Variants in FRRS1 observed in about 807,000 individuals in gnomAD.
FRRS1 encodes ferric reductase 1.
In FRRS1, 51 loss-of-function variants were observed where a neutral mutation model predicts 70.7. That is an observed-to-expected ratio of 0.72 (90% CI 0.58 to 0.91). The LOEUF (loss-of-function observed/expected upper bound fraction) is 0.91. Among genes scored for constraint, FRRS1 ranks in the 40% least tolerant of loss-of-function variants. The pLI, the probability that FRRS1 is intolerant of heterozygous loss-of-function variation, is 0.00. For synonymous variants in FRRS1, 225 were observed against 238.7 expected (o/e 0.94, Z 0.53); for missense variants, 672 against 726.0 (o/e 0.93, Z 0.86).
At chr1:99,763,538 A>C (rs1657209144) in intron 1 of FRRS1, among the ~76,000 whole-genome samples, 2 of 152,228 alleles carry the variant, frequency 1.3e-5, no homozygotes, top group Admixed American at 6.5e-5. Context: ...TAAATTAAAA[A>C]TGTTTATCCT....
chr1:99,731,757 C>A (rs988670785), intron 7 of FRRS1, among the ~76,000 whole-genome samples: 2 of 152,158 alleles, frequency 1.3e-5, no homozygotes, highest in South Asian at 4.2e-4. Context: ...CAACAGAGAC[C>A]ATATTGCCCA....
At chr1:99,760,518 A>T (rs1657063634) in intron 1 of FRRS1, among the ~76,000 whole-genome samples, 1 of 152,264 alleles carries the variant, frequency 6.6e-6, no homozygotes, top group African/African-American at 2.4e-5. Flanking sequence ...AGTGAAGAAA[A>T]AAATGATTTT....
rs777806313 is a variant in FRRS1 at position 99,728,631 on chromosome 1, C to T, written c.868G>A (p.Glu290Lys). The change falls in exon 9 of 17, where the codon GAG (glutamate) becomes AAG (lysine). Residue 290 changes from glutamate (E) to lysine (K), a missense_variant. Coordinates refer to ENST00000646001, the MANE Select transcript of FRRS1 (RefSeq NM_001361041.2). ...HPVMDSRDTL[E>K]DMAWRLADGV... The stretch of plus-strand genomic sequence containing the variant: ...TCCGCCAACCTCCAAGCCATATCCT[C>T]AAGGGTATCCTACAAACACACACAA... The T allele has an allele frequency of 1.9e-6, 3 of 1,613,342 alleles. No individual in the cohort carries two copies. Among genetic ancestry groups the T allele is most frequent in the Non-Finnish European group, 1.7e-6 (2 of 1,179,566 alleles).
chr1:99,728,406 A>C, intron 9 of FRRS1, 87 bp downstream of exon 9: 1 of 1,127,762 alleles, frequency 8.9e-7, no homozygotes, highest in Non-Finnish European at 1.3e-6. Flanking sequence ...AAAACGGGCA[A>C]TTACAGTAGT....
intron 15 of FRRS1, 141 bp from the exon 16 acceptor site, chr1:99,709,400 T>G: frequency 1.6e-6 from 1 of 630,004 alleles, no homozygotes; most frequent in Non-Finnish European, 2.8e-6. Context: ...TATTGCAGAC[T>G]TCCTGAACAA....
At chr1:99,734,121 A>G (rs189445067) in intron 7 of FRRS1, among the ~76,000 whole-genome samples, 19 of 152,358 alleles carry the variant, frequency 1.2e-4, no homozygotes, top group Non-Finnish European at 2.2e-4. Context: ...GGATTAAGTA[A>G]CTGTTCTAAA....
intron 6 of FRRS1, 113 bp from the exon 7 acceptor site, chr1:99,738,381 AC>A: frequency 1.6e-6 from 1 of 641,888 alleles, no homozygotes; most frequent in South Asian, 2.4e-5. Flanking sequence ...TAATGAGAAT[AC>A]CTTTCCATAA....
Position 99,738,164 on chromosome 1 carries a change from A to G in FRRS1, c.681T>C (p.Asp227=), listed in dbSNP as rs764614622. ...TCATTTCAACCATCACCGATTGGTC[A>G]TCTCTTGTGAAGGACAAGAAGACAC... ...ASCVFLSFTR[D]DQSVMVEMSG... The change falls in exon 7 of 17, where the codon GAT becomes GAC. Residue 227 remains aspartate (D), a synonymous_variant. Transcript: ENST00000646001. 1 of 1,613,784 alleles carries G rather than the reference A, an allele frequency of 6.2e-7. No homozygotes were observed. Among genetic ancestry groups the G allele is most frequent in the South Asian group, 1.1e-5 (1 of 91,068 alleles).
rs887713029 is a variant in FRRS1, at chr1:99,705,867, A to G, written c.*3161T>C. Among the ~76,000 whole-genome samples, 10 of 152,252 alleles carry G rather than the reference A, an allele frequency of 6.6e-5. No homozygotes were observed. Among genetic ancestry groups the G allele is most frequent in the African/African-American group, 2.4e-4 (10 of 41,468 alleles). On this transcript the variant is annotated 3_prime_UTR_variant, in exon 17 of 17. Coordinates refer to ENST00000646001, the MANE Select transcript of FRRS1 (RefSeq NM_001361041.2). ...TCATATTGCATCACTTCTTTAGAAG[A>G]AAACATGATTTTGCTCATTGTTTTT...
chr1:99,739,222 A>G (rs994402997), intron 6 of FRRS1, among the ~76,000 whole-genome samples: 1 of 152,214 alleles, frequency 6.6e-6, no homozygotes, highest in African/African-American at 2.4e-5. Context: ...GGTATCTTCG[A>G]GCTCTAAAAA....
chr1:99,750,005 A>C (rs1372737376), intron 1 of FRRS1, among the ~76,000 whole-genome samples: 1 of 152,238 alleles, frequency 6.6e-6, no homozygotes, highest in East Asian at 1.9e-4. Context: ...TAGCAGCCTT[A>C]GAATCACTAG....
At chr1:99,763,620 G>A (rs1657212919) in intron 1 of FRRS1, among the ~76,000 whole-genome samples, 1 of 152,100 alleles carries the variant, frequency 6.6e-6, no homozygotes, top group African/African-American at 2.4e-5. Context: ...TGTAATCCCA[G>A]CACTTTGGGA....
chr1:99,726,359 A>AGT (rs1332786452), intron 9 of FRRS1, among the ~76,000 whole-genome samples: 2 of 152,216 alleles, frequency 1.3e-5, no homozygotes, highest in African/African-American at 2.4e-5. Flanking sequence ...TCTTTATAGC[A>AGT]GTGTGAGAAC....
At chr1:99,755,985 T>C (rs1656816378) in intron 1 of FRRS1, among the ~76,000 whole-genome samples, 1 of 152,238 alleles carries the variant, frequency 6.6e-6, no homozygotes. Context: ...CTAGTTAATG[T>C]TTTAAGGTAC....
chr1:99,713,368 C>G (rs1654366779), intron 12 of FRRS1, among the ~76,000 whole-genome samples: 2 of 152,186 alleles, frequency 1.3e-5, no homozygotes, highest in African/African-American at 4.8e-5. Context: ...TAGACAATTA[C>G]AAAATAAGTG....
chr1:99,746,519 C>T (rs983108974), intron 4 of FRRS1, among the ~76,000 whole-genome samples: 19 of 152,178 alleles, frequency 1.2e-4, no homozygotes, highest in East Asian at 5.8e-4. Context: ...AGGTGGGGGA[C>T]GAAGGGTTTC....
At chr1:99,730,589 C>T (rs996340242) in intron 7 of FRRS1, among the ~76,000 whole-genome samples, 6 of 152,036 alleles carry the variant, frequency 3.9e-5, no homozygotes, top group Non-Finnish European at 8.8e-5. Flanking sequence ...CCAAGCGGGC[C>T]GGGCGAGGTG....
chr1:99,719,229 T>G (rs1474991447), intron 10 of FRRS1, among the ~76,000 whole-genome samples: 1 of 151,830 alleles, frequency 6.6e-6, no homozygotes, highest in Non-Finnish European at 1.5e-5. Flanking sequence ...GCCAACATGG[T>G]GAAACCCTGT....
At chr1:99,766,054 G>A (rs966104793) in intron 1 of FRRS1, among the ~76,000 whole-genome samples, 1 of 152,126 alleles carries the variant, frequency 6.6e-6, no homozygotes, top group Admixed American at 6.5e-5. Flanking sequence ...CTTTAGGGCA[G>A]TATGACAAGC....
Sources: gnomAD v4.1 joint callset for allele counts (sites outside exome capture counted in the v4.1 genomes callset) on GRCh38, gnomAD v4.1.1 for gene constraint, MANE v1.5 for transcripts, NCBI Gene and HGNC (gene_info 2026-07-23, HGNC 2026-07-21) for gene names.